SYN2: variants seen among roughly 807,000 people sequenced by gnomAD.
SYN2 encodes synapsin II, also known as synapsin-2.
SYN2 carries 19 observed loss-of-function variants against 50.9 expected under a neutral mutation model. The ratio of observed to expected loss-of-function variants is 0.37; its 90% CI spans 0.26 to 0.55. SYN2 has a LOEUF of 0.55. Ranked by LOEUF, SYN2 falls within the 20% of genes least tolerant of loss-of-function variation. SYN2 has a pLI of 0.81. For synonymous variants in SYN2, 255 were observed against 224.9 expected, an observed-to-expected ratio of 1.13 and a Z score of -1.20; for missense variants, 587 against 576.4, an observed-to-expected ratio of 1.02 and a Z score of -0.19.
At chr3:12,058,362 T>C (rs1164390566) in intron 1 of SYN2, among the ~76,000 whole-genome samples, 1 of 152,250 alleles carries the variant, frequency 6.6e-6, no homozygotes, top group Non-Finnish European at 1.5e-5. Flanking sequence ...TATATAGGAC[T>C]ACTAAAGGAA....
rs111430456 is a variant in SYN2 at position 12,147,653 on chromosome 3, A to G, written c.684+1818A>G. ...GAATTTGACTCTCTCCTAGCCACAC[A>G]GGGTGATCCTGCTATTAGCAGCTTT... is the stretch of plus-strand genomic sequence containing the variant. On this transcript the variant is annotated intron_variant, in intron 4 of 12. Coordinates refer to ENST00000621198, the MANE Select transcript of SYN2 (RefSeq NM_133625.6). 4.3e-3 allele frequency among the ~76,000 whole-genome samples: 650 copies of G among 152,280 alleles called. 9 individuals are homozygous for G. Among genetic ancestry groups the G allele is most frequent in the Non-Finnish European group, 5.8e-3 (396 of 68,030 alleles).
chr3:12,100,704 A>G (rs1696054533), intron 1 of SYN2, among the ~76,000 whole-genome samples: 1 of 152,178 alleles, frequency 6.6e-6, no homozygotes, highest in African/African-American at 2.4e-5. Flanking sequence ...GGGAAAAAAT[A>G]TTTGCAAATC....
chr3:12,143,339 A>G (rs1475502109), intron 3 of SYN2, among the ~76,000 whole-genome samples: 1 of 152,198 alleles, frequency 6.6e-6, no homozygotes, highest in Non-Finnish European at 1.5e-5. Flanking sequence ...TACACGAATT[A>G]TGTACATTAT....
intron 1 of SYN2, among the ~76,000 whole-genome samples, chr3:12,102,828 G>A (rs78220281): frequency 0.045 from 6,881 of 152,088 alleles, 220 homozygotes; most frequent in Middle Eastern, 0.1. Flanking sequence ...TTAAAAGATC[G>A]TTTGTTACTG....
intron 11 of SYN2, chr3:12,185,600 C>T (rs1698326222): frequency 2.0e-6 from 2 of 985,884 alleles, no homozygotes; most frequent in Non-Finnish European, 2.4e-6. Flanking sequence ...TCTTTCCTGA[C>T]GTTGTCCCCT....
intron 1 of SYN2, among the ~76,000 whole-genome samples, chr3:12,061,521 T>A (rs1695112547): frequency 6.6e-6 from 1 of 152,086 alleles, no homozygotes; most frequent in South Asian, 2.1e-4. Flanking sequence ...CCACTATTAG[T>A]CAACATCATA....
chr3:12,010,233 C>T (rs1050403604), intron 1 of SYN2, among the ~76,000 whole-genome samples: 2 of 152,182 alleles, frequency 1.3e-5, no homozygotes, highest in Admixed American at 6.5e-5. Flanking sequence ...AGTTAGCGTT[C>T]CTATCTACCT....
chr3:12,153,816 C>G (rs1039068725), intron 5 of SYN2: 5 of 1,247,660 alleles, frequency 4.0e-6, no homozygotes, highest in Non-Finnish European at 5.7e-6. Context: ...TCAAATGCCC[C>G]CTATCTTATC....
chr3:12,113,987 A>G (rs1189380783), intron 1 of SYN2, among the ~76,000 whole-genome samples: 1 of 152,130 alleles, frequency 6.6e-6, no homozygotes, highest in African/African-American at 2.4e-5. Flanking sequence ...CTCTATGTTT[A>G]ACTTCCTGAG....
chr3:12,151,040 C>T (rs1697273107), intron 4 of SYN2, among the ~76,000 whole-genome samples, 197 bp from the exon 5 acceptor site: 1 of 152,184 alleles, frequency 6.6e-6, no homozygotes, highest in African/African-American at 2.4e-5. Flanking sequence ...TGAATTTTAG[C>T]TCACTCTCTT....
At chr3:12,143,303 T>C (rs73139695) in intron 3 of SYN2, among the ~76,000 whole-genome samples, 1 of 152,132 alleles carries the variant, frequency 6.6e-6, no homozygotes, top group Non-Finnish European at 1.5e-5. Context: ...GTTTAATAGA[T>C]TGAGGGGATT....
chr3:12,170,076 A>G lies in SYN2; in HGVS notation c.1308+170A>G, dbSNP rs555567442. On this transcript the variant is annotated intron_variant, in intron 10 of 12. Transcript: ENST00000621198. The stretch of plus-strand genomic sequence containing the variant: ...TTCCCTTTACCCTGGAGTCCTGATT[A>G]TCTTCTACCACCCCTTATAGGGGCC... Among the ~76,000 whole-genome samples the G allele has an allele frequency of 6.6e-5, 10 of 152,310 alleles. No individual in the cohort carries two copies. The East Asian group carries it at 1.9e-3, about 29-fold the overall frequency.
intron 1 of SYN2, among the ~76,000 whole-genome samples, chr3:12,036,273 A>T (rs2125145645): frequency 6.6e-6 from 1 of 152,228 alleles, no homozygotes; most frequent in South Asian, 2.1e-4. Flanking sequence ...GGGGTGCGGC[A>T]CACTAGCTGT....
intron 4 of SYN2, among the ~76,000 whole-genome samples, chr3:12,149,816 A>T (rs1442198479): frequency 6.6e-6 from 1 of 152,188 alleles, no homozygotes; most frequent in Non-Finnish European, 1.5e-5. Context: ...TACCTACAAA[A>T]GGACCACAAC....
intron 10 of SYN2, among the ~76,000 whole-genome samples, chr3:12,174,633 C>T (rs1303664209): frequency 6.6e-6 from 1 of 152,182 alleles, no homozygotes; most frequent in Non-Finnish European, 1.5e-5. Context: ...AGGCACGCGC[C>T]ACCACGCCCG....
intron 1 of SYN2, chr3:12,070,191 A>T (rs941001411): frequency 3.0e-5 from 11 of 364,986 alleles, no homozygotes; most frequent in African/African-American, 2.1e-4. Context: ...ATGTCCTCCT[A>T]CTGCTCTGCC....
chr3:12,025,168 G>C (rs1241620843), intron 1 of SYN2, among the ~76,000 whole-genome samples: 2 of 143,258 alleles, frequency 1.4e-5, no homozygotes, highest in South Asian at 2.1e-4. Flanking sequence ...TCCCATCATG[G>C]GGGGGGAGGG....
At chr3:12,084,116 G>A (rs1235726141) in intron 1 of SYN2, among the ~76,000 whole-genome samples, 1 of 152,120 alleles carries the variant, frequency 6.6e-6, no homozygotes, top group Non-Finnish European at 1.5e-5. Context: ...CTTGAGTTAA[G>A]CCATTTAATC....
intron 10 of SYN2, among the ~76,000 whole-genome samples, 188 bp from the exon 11 acceptor site, chr3:12,183,124 A>G (rs1354216658): frequency 6.6e-6 from 1 of 152,228 alleles, no homozygotes; most frequent in Non-Finnish European, 1.5e-5. Context: ...CACTGCCCCA[A>G]CAACACCCGA....
Sources: allele counts gnomAD v4.1 joint callset (sites outside exome capture counted in the v4.1 genomes callset), GRCh38; gene constraint gnomAD v4.1.1; transcripts MANE v1.5; gene names NCBI Gene and HGNC (gene_info 2026-07-23, HGNC 2026-07-21).